ARHGAP20: variants seen among roughly 807,000 people sequenced by gnomAD.
The protein encoded by ARHGAP20 is rho GTPase-activating protein 20.
In ARHGAP20, 34 loss-of-function variants were observed where a neutral mutation model predicts 73.7. The ratio of observed to expected loss-of-function variants is 0.46; its 90% CI spans 0.35 to 0.61. The LOEUF is 0.61. ARHGAP20 is among the 20% of genes least tolerant of loss of function. The probability of loss-of-function intolerance (pLI) is 0.00; values close to 1 mark genes in which losing one functional copy is unlikely to be tolerated. For synonymous variants in ARHGAP20, 523 were observed against 518.2 expected (o/e 1.01, Z -0.13); for missense variants, 1,314 against 1,420.9 (o/e 0.92, Z 1.21).
intron 9 of ARHGAP20, among the ~76,000 whole-genome samples, chr11:110,600,944 A>G (rs980923201): frequency 6.6e-6 from 1 of 152,242 alleles, no homozygotes; most frequent in Admixed American, 6.5e-5. Context: ...AAAATTTGGA[A>G]AAAAGATTGG....
At chr11:110,669,853 T>C (rs1949794373) in intron 2 of ARHGAP20, among the ~76,000 whole-genome samples, 1 of 152,164 alleles carries the variant, frequency 6.6e-6, no homozygotes, top group African/African-American at 2.4e-5. Flanking sequence ...ACACAAATAC[T>C]TGTACATGAC....
At chr11:110,615,438 A>C in intron 5 of ARHGAP20, 115 bp downstream of exon 5, 1 of 946,552 alleles carries the variant, frequency 1.1e-6, no homozygotes, top group South Asian at 1.8e-5. Flanking sequence ...TTAGAGGTCA[A>C]ATGAACAATT....
chr11:110,590,827 A>AAAAT lies in ARHGAP20; in HGVS notation c.1144-22_1144-19dup. On this transcript the variant is annotated intron_variant, in intron 10 of 14. Transcript: ENST00000683387. ...AGCATATCCTATGGGGAAGCAAAGG[A>AAAAT]AAATAAACAAAATGACACTTCCACA... is the stretch of plus-strand genomic sequence containing the variant. 1 of 1,605,292 alleles carries AAAAT rather than the reference A, an allele frequency of 6.2e-7. No homozygotes were observed. Among genetic ancestry groups the AAAAT allele is most frequent in the Non-Finnish European group, 8.5e-7 (1 of 1,176,430 alleles).
At chr11:110,703,809 G>C (rs990298770) in intron 1 of ARHGAP20, among the ~76,000 whole-genome samples, 1 of 152,118 alleles carries the variant, frequency 6.6e-6, no homozygotes, top group African/African-American at 2.4e-5. Flanking sequence ...CCCTGGAGTA[G>C]GTAGAGTCAA....
chr11:110,600,221 A>G (rs929692025), intron 9 of ARHGAP20, among the ~76,000 whole-genome samples: 3 of 152,234 alleles, frequency 2.0e-5, no homozygotes, highest in East Asian at 3.8e-4. Flanking sequence ...GGGTGAAGAG[A>G]AGGAGATAAG....
chr11:110,648,336 ATGTG>A (rs1226279832), intron 2 of ARHGAP20, among the ~76,000 whole-genome samples: 7 of 90,636 alleles, frequency 7.7e-5, no homozygotes, highest in Non-Finnish European at 1.1e-4. Context: ...ATATGTGTAT[ATGTG>A]TGTGTGTGTA....
chr11:110,604,906 C>G (rs1242858664), intron 9 of ARHGAP20, among the ~76,000 whole-genome samples: 1 of 152,078 alleles, frequency 6.6e-6, no homozygotes, highest in African/African-American at 2.4e-5. Context: ...TTATATAAGA[C>G]AGTTGACTCA....
intron 9 of ARHGAP20, among the ~76,000 whole-genome samples, chr11:110,603,480 CAAGT>C (rs1309918142): frequency 1.3e-5 from 2 of 152,176 alleles, no homozygotes; most frequent in African/African-American, 2.4e-5. Context: ...TGTTTAATTA[CAAGT>C]AATATCAAGC....
chr11:110,627,257 T>G (rs1261324542), intron 3 of ARHGAP20, among the ~76,000 whole-genome samples: 1 of 151,840 alleles, frequency 6.6e-6, no homozygotes, highest in African/African-American at 2.4e-5. Context: ...CCCGGCTAAT[T>G]TTTTTGTATT....
intron 9 of ARHGAP20, among the ~76,000 whole-genome samples, chr11:110,605,939 T>C (rs1440821089): frequency 6.6e-6 from 1 of 152,272 alleles, no homozygotes; most frequent in African/African-American, 2.4e-5. Flanking sequence ...CTGTTGCTTA[T>C]ACAATCTTCC....
At chr11:110,666,044 CATAT>C (rs1949717905) in intron 2 of ARHGAP20, among the ~76,000 whole-genome samples, 1 of 151,916 alleles carries the variant, frequency 6.6e-6, no homozygotes, top group Non-Finnish European at 1.5e-5. Flanking sequence ...CATATATATA[CATAT>C]ACACACACTA....
At chr11:110,651,389 G>T (rs889248806) in intron 2 of ARHGAP20, among the ~76,000 whole-genome samples, 1 of 151,800 alleles carries the variant, frequency 6.6e-6, no homozygotes, top group Non-Finnish European at 1.5e-5. Context: ...TGGAACTGAA[G>T]AAGGTAGAGA....
At chr11:110,606,920 T>A (rs2134877039) in intron 8 of ARHGAP20, among the ~76,000 whole-genome samples, 171 bp from the exon 9 acceptor site, 1 of 152,220 alleles carries the variant, frequency 6.6e-6, no homozygotes, top group South Asian at 2.1e-4. Context: ...AGTATGCAGG[T>A]GGTCCTACCA....
chr11:110,579,559 C>T lies in ARHGAP20; in HGVS notation c.3387G>A (p.Val1129=), dbSNP rs1244058704. The T allele has an allele frequency of 1.2e-6, 2 of 1,613,892 alleles. No homozygotes were observed. Among genetic ancestry groups the T allele is most frequent in the East Asian group, 2.2e-5 (1 of 44,852 alleles). ...TCATGCACAGCTTAAGTCTGCTCTC[C>T]ACCAGGCTGAATGGAGAGCTACAGT... ...ERHCSSPFSL[V]ESRLKLCMKS... The change falls in exon 15 of 15, where the codon GTG becomes GTA. Residue 1129 remains valine, a synonymous_variant. Coordinates refer to ENST00000683387, the MANE Select transcript of ARHGAP20 (RefSeq NM_001384657.1).
At chr11:110,690,111 A>G (rs1380195245) in intron 2 of ARHGAP20, among the ~76,000 whole-genome samples, 2 of 152,166 alleles carry the variant, frequency 1.3e-5, no homozygotes, top group Non-Finnish European at 2.9e-5. Context: ...TCAATATTCC[A>G]TTTTAAAAAA....
intron 2 of ARHGAP20, among the ~76,000 whole-genome samples, chr11:110,657,916 GAGAGAGGA>G (rs2135032178): frequency 8.1e-6 from 1 of 124,080 alleles, no homozygotes; most frequent in Non-Finnish European, 1.7e-5. Context: ...AAGAAAAAGA[GAGAGAGGA>G]AGGAAGGAAG....
Position 110,580,636 on chromosome 11 carries a change from T to C in ARHGAP20, c.2310A>G (p.Lys770=). ...TCTTAGTGTTTTGAGTAGTGGCATT[T>C]TTCTTGCTGACATCAGTGCCTGTGA... ...SLVTGTDVSK[K]NATTQNTKKK... is the part of the protein sequence containing the mutation. The change falls in exon 15 of 15, where the codon AAA becomes AAG. Residue 770 remains lysine (K), a synonymous_variant. Coordinates refer to ENST00000683387, the MANE Select transcript of ARHGAP20 (RefSeq NM_001384657.1). 6.2e-7 allele frequency: 1 copy of C among 1,614,236 alleles called. No individual in the cohort carries two copies. Among genetic ancestry groups the C allele is most frequent in the Non-Finnish European group, 8.5e-7 (1 of 1,180,036 alleles).
Position 110,579,643 on chromosome 11 carries a change from C to A in ARHGAP20, c.3303G>T (p.Leu1101=). ...ACCTTTGGGCTGACTGCACAGGGGA[C>A]AGTCCTTCAGCTGCCCTTAAGGGCA... ...KDLPLRAAEG[L]SPVQSAQRCS... Residue 1101 remains leucine, a synonymous_variant, in exon 15 of 15, where the codon CTG becomes CTT. Coordinates refer to ENST00000683387, the MANE Select transcript of ARHGAP20 (RefSeq NM_001384657.1). The A allele has an allele frequency of 6.2e-7, 1 of 1,614,234 alleles. No homozygotes were observed. Among genetic ancestry groups the A allele is most frequent in the South Asian group, 1.1e-5 (1 of 91,080 alleles).
intron 12 of ARHGAP20, among the ~76,000 whole-genome samples, chr11:110,584,105 C>T (rs1266959403): frequency 6.6e-6 from 1 of 152,150 alleles, no homozygotes; most frequent in African/African-American, 2.4e-5. Flanking sequence ...AAAAAGCTTT[C>T]TGATAAAATT....
Sources: allele counts gnomAD v4.1 joint callset (sites outside exome capture counted in the v4.1 genomes callset), GRCh38; gene constraint gnomAD v4.1.1; transcripts MANE v1.5; gene names NCBI Gene and HGNC (gene_info 2026-07-23, HGNC 2026-07-21).